Variants in CDKAL1 observed in about 807,000 individuals in gnomAD.
CDKAL1 encodes the protein CDKAL1 threonylcarbamoyladenosine tRNA methylthiotransferase.
CDKAL1 carries 32 observed loss-of-function variants against 68.2 expected under a neutral mutation model. The observed-to-expected ratio is 0.47, with a 90% CI of 0.35 to 0.63. The LOEUF is 0.63. CDKAL1 is among the 30% of genes least tolerant of loss of function. The pLI is 0.00. For missense variants in CDKAL1, 606 were observed against 696.7 expected (o/e 0.87, Z 1.47); for synonymous variants, 234 against 244.3 (o/e 0.96, Z 0.39).
intron 7 of CDKAL1, among the ~76,000 whole-genome samples, chr6:20,761,765 G>A (rs1411692921): frequency 6.6e-6 from 1 of 152,190 alleles, no homozygotes; most frequent in Non-Finnish European, 1.5e-5. Context: ...TGATTAGAGA[G>A]TAGGGAGGGA....
At chr6:21,224,114 G>A (rs1447123423) in intron 15 of CDKAL1, among the ~76,000 whole-genome samples, 2 of 152,138 alleles carry the variant, frequency 1.3e-5, no homozygotes, top group Admixed American at 6.5e-5. Context: ...GGAGTGGCAG[G>A]CACAGTCATG....
chr6:20,885,490 G>A (rs4334975), intron 9 of CDKAL1, among the ~76,000 whole-genome samples: 145,959 of 152,280 alleles, frequency 0.96, 69,962 homozygotes, highest in East Asian at 1. Flanking sequence ...CTTACACCAT[G>A]TACAAAAATC....
intron 15 of CDKAL1, among the ~76,000 whole-genome samples, chr6:21,225,978 G>A (rs550249912): frequency 1.3e-5 from 2 of 152,190 alleles, no homozygotes; most frequent in South Asian, 4.2e-4. Context: ...ACAAATACTA[G>A]CAGTATCTCC....
intron 8 of CDKAL1, among the ~76,000 whole-genome samples, chr6:20,823,189 C>T (rs554057614): frequency 6.6e-6 from 1 of 152,258 alleles, no homozygotes; most frequent in Non-Finnish European, 1.5e-5. Context: ...CACTTTCTTA[C>T]TCAAGGCCTG....
chr6:21,143,081 A>G (rs997983908), intron 13 of CDKAL1, among the ~76,000 whole-genome samples: 9 of 152,228 alleles, frequency 5.9e-5, no homozygotes, highest in Admixed American at 4.6e-4. Context: ...TAATCATTCT[A>G]TCAGGCTCAA....
intron 8 of CDKAL1, among the ~76,000 whole-genome samples, chr6:20,784,412 CTTT>C (rs1175015329): frequency 1.8e-4 from 6 of 33,488 alleles, no homozygotes; most frequent in Non-Finnish European, 2.6e-4. Context: ...TATTTTATTT[CTTT>C]TTTTTTTTTT....
intron 4 of CDKAL1, among the ~76,000 whole-genome samples, chr6:20,584,367 A>G (rs915569126): frequency 1.3e-5 from 2 of 152,116 alleles, no homozygotes; most frequent in Admixed American, 6.5e-5. Flanking sequence ...CTGAGAAAGC[A>G]GGGCAGTGTC....
intron 4 of CDKAL1, among the ~76,000 whole-genome samples, chr6:20,612,943 G>A (rs558966909): frequency 6.1e-5 from 9 of 148,586 alleles, no homozygotes; most frequent in Admixed American, 1.4e-4. Flanking sequence ...TCCATCTGCC[G>A]TCTGCTTCAG....
At chr6:20,871,625 A>G (rs989978217) in intron 9 of CDKAL1, among the ~76,000 whole-genome samples, 2 of 152,178 alleles carry the variant, frequency 1.3e-5, no homozygotes, top group African/African-American at 2.4e-5. Context: ...AAATAATCCA[A>G]AAATGATTAG....
At chr6:21,000,648 T>A (rs1767379998) in intron 11 of CDKAL1, among the ~76,000 whole-genome samples, 1 of 152,232 alleles carries the variant, frequency 6.6e-6, no homozygotes, top group East Asian at 1.9e-4. Flanking sequence ...TTTTTATACC[T>A]GACCTGGTGG....
chr6:20,755,079 T>C (rs1028539328), intron 6 of CDKAL1, among the ~76,000 whole-genome samples: 7 of 152,348 alleles, frequency 4.6e-5, no homozygotes, highest in African/African-American at 1.7e-4. Context: ...GAAAACATTT[T>C]TCTTTATGGT....
chr6:20,947,092 C>CAATG (rs147092380), intron 9 of CDKAL1, among the ~76,000 whole-genome samples: 6,430 of 151,844 alleles, frequency 0.042, 141 homozygotes, highest in Middle Eastern at 0.058. Context: ...TAGAAGGAGT[C>CAATG]AATGAATGAA....
At chr6:20,822,277 C>G (rs1777317713) in intron 8 of CDKAL1, among the ~76,000 whole-genome samples, 2 of 152,074 alleles carry the variant, frequency 1.3e-5, no homozygotes, top group African/African-American at 2.4e-5. Flanking sequence ...TATTGAACAA[C>G]AGGAAAGTAG....
At chr6:20,660,018 C>T (rs546931542) in intron 5 of CDKAL1, among the ~76,000 whole-genome samples, 1 of 152,156 alleles carries the variant, frequency 6.6e-6, no homozygotes, top group South Asian at 2.1e-4. Context: ...TTCTCTCTTT[C>T]CTCCAAATGC....
intron 13 of CDKAL1, among the ~76,000 whole-genome samples, chr6:21,187,871 G>T (rs1361079080): frequency 1.3e-5 from 2 of 152,088 alleles, no homozygotes; most frequent in African/African-American, 4.8e-5. Flanking sequence ...ACCTTTTGGG[G>T]ATGGGGAATG....
intron 5 of CDKAL1, among the ~76,000 whole-genome samples, chr6:20,689,568 C>G (rs890590737): frequency 6.6e-6 from 1 of 152,104 alleles, no homozygotes; most frequent in Non-Finnish European, 1.5e-5. Flanking sequence ...TTCTCAGATG[C>G]TGAACTGGAA....
intron 12 of CDKAL1, among the ~76,000 whole-genome samples, chr6:21,071,652 T>C (rs1771774084): frequency 6.6e-6 from 1 of 152,210 alleles, no homozygotes; most frequent in African/African-American, 2.4e-5. Flanking sequence ...AGTATTTTTT[T>C]CTTTTTTTGA....
At chr6:20,926,381 G>A (rs1763188460) in intron 9 of CDKAL1, among the ~76,000 whole-genome samples, 1 of 152,054 alleles carries the variant, frequency 6.6e-6, no homozygotes, top group South Asian at 2.1e-4. Context: ...ATATTACACT[G>A]TGGAGAAATT....
At chr6:20,822,525 C>T (rs903243074) in intron 8 of CDKAL1, among the ~76,000 whole-genome samples, 14 of 152,142 alleles carry the variant, frequency 9.2e-5, no homozygotes, top group Non-Finnish European at 2.1e-4. Context: ...CAAACAGCAT[C>T]GTTTTCTTTG....
Sources: allele counts gnomAD v4.1 joint callset (sites outside exome capture counted in the v4.1 genomes callset), GRCh38; gene constraint gnomAD v4.1.1; transcripts MANE v1.5; gene names NCBI Gene and HGNC (gene_info 2026-07-23, HGNC 2026-07-21).